The following GAD2 variants were observed in gnomAD, a reference collection of about 807,000 sequenced individuals.
GAD2 encodes the protein glutamate decarboxylase 2.
GAD2 carries 22 observed loss-of-function variants against 80.1 expected under a neutral mutation model. That is an observed-to-expected ratio of 0.27 (90% CI 0.20 to 0.39). The LOEUF is 0.39. Among genes scored for constraint, GAD2 ranks in the 10% least tolerant of loss-of-function variants. The pLI is 1.00. For missense variants in GAD2, 624 were observed against 738.4 expected, an observed-to-expected ratio of 0.85 and a Z score of 1.80; for synonymous variants, 274 against 256.9, an observed-to-expected ratio of 1.07 and a Z score of -0.64.
chr10:26,292,422 C>A, intron 13 of GAD2, 43 bp from the exon 14 acceptor site: 2 of 1,453,692 alleles, frequency 1.4e-6, no homozygotes, highest in Non-Finnish European at 1.9e-6. Flanking sequence ...GCTTCCTCCG[C>A]ACTCTTAGCC....
At chr10:26,251,044 A>AT (rs372668016) in intron 8 of GAD2, among the ~76,000 whole-genome samples, 10,724 of 117,842 alleles carry the variant, frequency 0.091, 464 homozygotes, top group Non-Finnish European at 0.11. Context: ...CATGCCCGGC[A>AT]TTTTTTTTTT....
At chr10:26,240,307 C>A (rs561285113) in intron 7 of GAD2, among the ~76,000 whole-genome samples, 1 of 152,298 alleles carries the variant, frequency 6.6e-6, no homozygotes, top group Non-Finnish European at 1.5e-5. Context: ...TTCTCACTCA[C>A]TCTTAGCTGA....
intron 4 of GAD2, among the ~76,000 whole-genome samples, chr10:26,222,590 A>C (rs910645934): frequency 9.9e-5 from 15 of 152,208 alleles, no homozygotes; most frequent in Non-Finnish European, 2.9e-5. Context: ...TGAGGGGGTC[A>C]GCATCAGAGA....
intron 8 of GAD2, among the ~76,000 whole-genome samples, chr10:26,263,692 C>A (rs1164456025): frequency 6.6e-6 from 1 of 152,298 alleles, no homozygotes; most frequent in African/African-American, 2.4e-5. Context: ...AGTTAAAAAG[C>A]AAATATAAAC....
intron 8 of GAD2, among the ~76,000 whole-genome samples, chr10:26,268,861 C>A (rs147540819): frequency 1.1e-3 from 168 of 152,312 alleles, no homozygotes; most frequent in African/African-American, 3.9e-3. Flanking sequence ...AGCTTCTGTG[C>A]ACAGCAGAGG....
At chr10:26,229,313 A>G (rs1223191614) in intron 6 of GAD2, among the ~76,000 whole-genome samples, 1 of 152,104 alleles carries the variant, frequency 6.6e-6, no homozygotes, top group African/African-American at 2.4e-5. Context: ...CCATCCAGAT[A>G]TAACCAGAAT....
intron 11 of GAD2, among the ~76,000 whole-genome samples, chr10:26,278,479 A>C (rs1277125336): frequency 6.6e-6 from 1 of 152,228 alleles, no homozygotes; most frequent in Non-Finnish European, 1.5e-5. Flanking sequence ...GAGGTTAAGT[A>C]ACTTGCTCAA....
At chr10:26,290,673 AT>A (rs1412736314) in intron 13 of GAD2, among the ~76,000 whole-genome samples, 1 of 152,226 alleles carries the variant, frequency 6.6e-6, no homozygotes, top group Non-Finnish European at 1.5e-5. Context: ...TTATAAAAGC[AT>A]TTCAAGAAGT....
intron 10 of GAD2, among the ~76,000 whole-genome samples, chr10:26,272,726 T>C (rs1034461907): frequency 1.3e-5 from 2 of 152,096 alleles, no homozygotes; most frequent in Admixed American, 6.5e-5. Context: ...TAGCCAGGCA[T>C]GGTGGTGGGT....
chr10:26,299,960 A>C (rs1350480406), intron 15 of GAD2, among the ~76,000 whole-genome samples: 1 of 152,194 alleles, frequency 6.6e-6, no homozygotes, highest in East Asian at 1.9e-4. Context: ...AGGGATAAAA[A>C]TACATATGGT....
intron 8 of GAD2, among the ~76,000 whole-genome samples, chr10:26,263,814 C>T (rs531331757): frequency 1.3e-5 from 2 of 152,314 alleles, no homozygotes; most frequent in African/African-American, 4.8e-5. Flanking sequence ...TATTTACTAG[C>T]CAATGCTGAT....
intron 7 of GAD2, among the ~76,000 whole-genome samples, chr10:26,236,070 A>T (rs1446298234): frequency 6.6e-6 from 1 of 152,058 alleles, no homozygotes; most frequent in African/African-American, 2.4e-5. Flanking sequence ...TGTGGCTTCG[A>T]CCCACTTCTG....
chr10:26,218,623 A>G (rs1261382482), intron 3 of GAD2, among the ~76,000 whole-genome samples: 2 of 151,170 alleles, frequency 1.3e-5, no homozygotes, highest in Non-Finnish European at 2.9e-5. Context: ...CTATCAGACC[A>G]GAGATCCTAA....
At chr10:26,219,340 T>G in intron 4 of GAD2, 64 bp downstream of exon 4, 2 of 1,109,016 alleles carry the variant, frequency 1.8e-6, no homozygotes, top group Non-Finnish European at 1.3e-6. Context: ...TATTTTTTTC[T>G]ATAAAATGTT....
At chr10:26,299,113 G>A (rs944468262) in intron 15 of GAD2, among the ~76,000 whole-genome samples, 1 of 152,132 alleles carries the variant, frequency 6.6e-6, no homozygotes, top group African/African-American at 2.4e-5. Context: ...AGGAAATTAG[G>A]TTCAGAATGA....
At chr10:26,218,171 C>T (rs369644593) in intron 3 of GAD2, 180 bp downstream of exon 3, 2 of 612,988 alleles carry the variant, frequency 3.3e-6, no homozygotes, top group African/African-American at 2.0e-5. Context: ...TGGGTCCAAG[C>T]CCCCGAACCT....
At chr10:26,268,899 A>G (rs889868826) in intron 8 of GAD2, among the ~76,000 whole-genome samples, 1 of 152,230 alleles carries the variant, frequency 6.6e-6, no homozygotes, top group African/African-American at 2.4e-5. Context: ...ATAGGGAACA[A>G]CACAATACGG....
intron 11 of GAD2, 56 bp from the exon 12 acceptor site, chr10:26,280,953 T>C: frequency 8.7e-7 from 1 of 1,150,896 alleles, no homozygotes; most frequent in South Asian, 1.2e-5. Context: ...CAGTTGCGCA[T>C]GCCCTGAGCC....
intron 8 of GAD2, among the ~76,000 whole-genome samples, chr10:26,256,232 T>A (rs1477902746): frequency 6.6e-6 from 1 of 151,812 alleles, no homozygotes; most frequent in East Asian, 1.9e-4. Flanking sequence ...ATTATATATG[T>A]ATGTATATAT....
Sources: allele counts gnomAD v4.1 joint callset (sites outside exome capture counted in the v4.1 genomes callset), GRCh38; gene constraint gnomAD v4.1.1; transcripts MANE v1.5; gene names NCBI Gene and HGNC (gene_info 2026-07-23, HGNC 2026-07-21).